The following BMP6 variants were observed in gnomAD, a reference collection of about 807,000 sequenced individuals.
BMP6 encodes bone morphogenetic protein 6.
A neutral mutation model predicts 54.1 loss-of-function variants in BMP6; 17 were observed. The observed-to-expected ratio is 0.31, with a 90% CI of 0.22 to 0.47. The LOEUF (loss-of-function observed/expected upper bound fraction) is 0.47. BMP6 is among the 20% of genes least tolerant of loss of function. BMP6 has a pLI of 1.00. For synonymous variants in BMP6, 328 were observed against 291.2 expected (o/e 1.13, Z -1.28); for missense variants, 720 against 690.4 (o/e 1.04, Z -0.48).
At chr6:7,844,344 G>GT (rs34279744) in intron 1 of BMP6, among the ~76,000 whole-genome samples, 16,015 of 145,080 alleles carry the variant, frequency 0.11, 1,111 homozygotes, top group African/African-American at 0.19. Context: ...TTTCCCCCCA[G>GT]TTTTTTTTTT....
intron 1 of BMP6, among the ~76,000 whole-genome samples, chr6:7,770,989 T>C (rs193051727): frequency 6.6e-6 from 1 of 152,330 alleles, no homozygotes; most frequent in East Asian, 1.9e-4. Flanking sequence ...TGAGTGGTAT[T>C]ATTTGAGATA....
chr6:7,798,836 A>G lies in BMP6; in HGVS notation c.665-46304A>G, dbSNP rs532661938. Among the ~76,000 whole-genome samples the G allele has an allele frequency of 6.6e-5, 10 of 152,378 alleles. No individual in the cohort carries two copies. The East Asian group carries it at 1.9e-3, about 29-fold the overall frequency. On this transcript the variant is annotated intron_variant, in intron 1 of 6. Transcript: ENST00000283147. The stretch of plus-strand genomic sequence containing the variant: ...GTAATAACCAGCTCAGGAACCAGAG[A>G]AACCCCTGCTAGGGTTAGAGGTGAC...
intron 1 of BMP6, among the ~76,000 whole-genome samples, chr6:7,729,684 A>G (rs1007460009): frequency 6.6e-6 from 1 of 152,190 alleles, no homozygotes; most frequent in Non-Finnish European, 1.5e-5. Flanking sequence ...AGGAGATCCC[A>G]ATGTCTGAAG....
chr6:7,777,246 GC>G (rs903180536), intron 1 of BMP6, among the ~76,000 whole-genome samples: 80 of 152,344 alleles, frequency 5.3e-4, no homozygotes, highest in African/African-American at 1.8e-3. Flanking sequence ...ATTCGGATTA[GC>G]CCTAGTGGTG....
intron 1 of BMP6, among the ~76,000 whole-genome samples, chr6:7,734,261 TCG>T (rs894302525): frequency 6.6e-6 from 1 of 152,226 alleles, no homozygotes; most frequent in Non-Finnish European, 1.5e-5. Context: ...GAATGTATGT[TCG>T]CCATAGATCA....
At chr6:7,788,796 G>A (rs556899700) in intron 1 of BMP6, among the ~76,000 whole-genome samples, 28 of 151,558 alleles carry the variant, frequency 1.8e-4, no homozygotes, top group Middle Eastern at 3.5e-3. Context: ...CCTAAGATAC[G>A]TAGATAGAAA....
chr6:7,837,952 C>T (rs1447955510), intron 1 of BMP6, among the ~76,000 whole-genome samples: 1 of 152,056 alleles, frequency 6.6e-6, no homozygotes, highest in Non-Finnish European at 1.5e-5. Flanking sequence ...ACACCAGAAT[C>T]AAATGACTCT....
chr6:7,734,893 G>A (rs2113107976), intron 1 of BMP6, among the ~76,000 whole-genome samples: 1 of 152,352 alleles, frequency 6.6e-6, no homozygotes, highest in East Asian at 1.9e-4. Flanking sequence ...ATGAGGTTCT[G>A]GTTCCAAGTG....
At chr6:7,753,652 G>C (rs1757459793) in intron 1 of BMP6, among the ~76,000 whole-genome samples, 1 of 152,174 alleles carries the variant, frequency 6.6e-6, no homozygotes, top group Non-Finnish European at 1.5e-5. Flanking sequence ...GTGAGACTTT[G>C]CCTAGAAATC....
At chr6:7,800,252 T>C (rs1324630425) in intron 1 of BMP6, among the ~76,000 whole-genome samples, 3 of 152,202 alleles carry the variant, frequency 2.0e-5, no homozygotes, top group Non-Finnish European at 1.5e-5. Flanking sequence ...TTATCTTTGC[T>C]ACTTCACAGT....
chr6:7,854,427 A>G (rs1759192733), intron 2 of BMP6, among the ~76,000 whole-genome samples: 1 of 152,112 alleles, frequency 6.6e-6, no homozygotes, highest in Admixed American at 6.5e-5. Context: ...TCATTTCCCC[A>G]CCTTGGACGG....
At chr6:7,815,947 G>C (rs1758519258) in intron 1 of BMP6, among the ~76,000 whole-genome samples, 1 of 152,198 alleles carries the variant, frequency 6.6e-6, no homozygotes, top group Admixed American at 6.5e-5. Context: ...GAAACCAAAT[G>C]GTTGGCAGGG....
chr6:7,736,997 G>A (rs535134427), intron 1 of BMP6, among the ~76,000 whole-genome samples: 1 of 152,138 alleles, frequency 6.6e-6, no homozygotes, highest in African/African-American at 2.4e-5. Flanking sequence ...AGACCGGCCT[G>A]GCCAACATGG....
At chr6:7,730,246 G>C (rs995753394) in intron 1 of BMP6, among the ~76,000 whole-genome samples, 3 of 152,152 alleles carry the variant, frequency 2.0e-5, no homozygotes, top group Non-Finnish European at 4.4e-5. Context: ...ATCCTTGCTA[G>C]GGTGATGGTT....
chr6:7,751,288 A>G (rs7454156), intron 1 of BMP6, among the ~76,000 whole-genome samples: 24,247 of 152,250 alleles, frequency 0.16, 2,056 homozygotes, highest in Admixed American at 0.2. Flanking sequence ...GCTCAGATCA[A>G]TCTCATGGGG....
intron 1 of BMP6, among the ~76,000 whole-genome samples, chr6:7,829,302 A>G (rs1410540379): frequency 6.6e-6 from 1 of 151,356 alleles, no homozygotes. Flanking sequence ...TTCCTTCCCT[A>G]CCTCCCTCCA....
chr6:7,737,337 A>T (rs905101772), intron 1 of BMP6, among the ~76,000 whole-genome samples: 1 of 152,182 alleles, frequency 6.6e-6, no homozygotes, highest in Non-Finnish European at 1.5e-5. Flanking sequence ...AGTGATATCC[A>T]TGGGCAGGAC....
At chr6:7,837,004 G>C (rs753416835) in intron 1 of BMP6, among the ~76,000 whole-genome samples, 3 of 152,226 alleles carry the variant, frequency 2.0e-5, no homozygotes, top group Non-Finnish European at 2.9e-5. Flanking sequence ...TTCAAGTTTG[G>C]TGTGTAACTG....
intron 1 of BMP6, among the ~76,000 whole-genome samples, chr6:7,733,185 C>G (rs1261896973): frequency 6.6e-6 from 1 of 152,150 alleles, no homozygotes; most frequent in African/African-American, 2.4e-5. Context: ...GGATTACAGG[C>G]TCACGCCACT....
Sources: allele counts gnomAD v4.1 joint callset (sites outside exome capture counted in the v4.1 genomes callset), GRCh38; gene constraint gnomAD v4.1.1; transcripts MANE v1.5; gene names NCBI Gene and HGNC (gene_info 2026-07-23, HGNC 2026-07-21).